The following PAPPA2 variants were observed in gnomAD, a reference collection of about 807,000 sequenced individuals.
The protein encoded by PAPPA2 is pappalysin-2.
A neutral mutation model predicts 176.4 loss-of-function variants in PAPPA2; 86 were observed. The ratio of observed to expected loss-of-function variants is 0.49; its 90% confidence interval spans 0.41 to 0.58. The LOEUF is 0.58. Among genes scored for constraint, PAPPA2 ranks in the 20% least tolerant of loss-of-function variants. The probability of loss-of-function intolerance (pLI) is 0.00; values close to 1 mark genes in which losing one functional copy is unlikely to be tolerated. For missense variants in PAPPA2, 2,073 were observed against 2,256.9 expected (o/e 0.92, Z 1.65); for synonymous variants, 809 against 852.2 (o/e 0.95, Z 0.88).
At chr1:176,526,230 T>C (rs926098546) in intron 1 of PAPPA2, among the ~76,000 whole-genome samples, 3 of 152,230 alleles carry the variant, frequency 2.0e-5, no homozygotes, top group East Asian at 1.9e-4. Flanking sequence ...ATGTAAATGC[T>C]GGGGCCATTG....
intron 20 of PAPPA2, 137 bp from the exon 21 acceptor site, chr1:176,799,924 A>C (rs775167188): frequency 3.6e-6 from 3 of 824,850 alleles, no homozygotes; most frequent in Non-Finnish European, 5.9e-6. Context: ...GCCCCAATCC[A>C]CTTTATGGGA....
In PAPPA2 at chr1:176,508,583, A is replaced by T. The variant is rs537266199; in HGVS notation, c.-917+45165A>T. On this transcript the variant is annotated intron_variant, in intron 1 of 22. Coordinates refer to ENST00000367662, the MANE Select transcript of PAPPA2 (RefSeq NM_020318.3). The stretch of plus-strand genomic sequence containing the variant: ...CAAAATGAAGTATATATAGGAAAAA[A>T]AGTAAAAAAAAAAATAATGAATAGA... Among the ~76,000 whole-genome samples, 43 of 150,242 alleles carry T rather than the reference A, an allele frequency of 2.9e-4. 1 individual carries two copies. In the South Asian group the frequency reaches 7.4e-3, roughly 26 times the overall value.
chr1:176,654,055 TTAAG>T (rs1657894755), intron 3 of PAPPA2, among the ~76,000 whole-genome samples: 1 of 151,806 alleles, frequency 6.6e-6, no homozygotes. Flanking sequence ...TTTAGTTTAA[TTAAG>T]TCTCATATTT....
chr1:176,824,404 C>T (rs1246718394), intron 21 of PAPPA2, among the ~76,000 whole-genome samples: 1 of 152,208 alleles, frequency 6.6e-6, no homozygotes, highest in Non-Finnish European at 1.5e-5. Context: ...TAAATATTCA[C>T]ATTTGGCTAA....
intron 1 of PAPPA2, among the ~76,000 whole-genome samples, chr1:176,475,637 A>AATTTTAGGTTAAATTT (rs1652081167): frequency 6.6e-6 from 1 of 152,264 alleles, no homozygotes; most frequent in Non-Finnish European, 1.5e-5. Context: ...ATCCCACCAG[A>AATTTTAGGTTAAATTT]CAGGTTAAAT....
chr1:176,594,906 A>G lies in PAPPA2; in HGVS notation c.1302A>G (p.Pro434=), dbSNP rs1308669949. The G allele has an allele frequency of 4.3e-6, 7 of 1,614,080 alleles. 1 individual carries two copies. In the South Asian group the frequency reaches 7.7e-5, roughly 18 times the overall value. ...TGGTTTTCTGGTCGACCGCCCTGCCACAAAGCCATTTTCAGCACAGTTCTC... is the reference window on the plus strand; with the variant it reads ...TGGTTTTCTGGTCGACCGCCCTGCCGCAAAGCCATTTTCAGCACAGTTCTC... ...GTLVFWSTAL[P]QSHFQHSSQH... The change falls in exon 3 of 23, where the codon CCA becomes CCG. Residue 434 remains proline, a synonymous_variant. Transcript: ENST00000367662.
chr1:176,656,783 TCA>T (rs34966942), intron 3 of PAPPA2, among the ~76,000 whole-genome samples: 2 of 149,856 alleles, frequency 1.3e-5, no homozygotes, highest in East Asian at 3.9e-4. Context: ...TCTCTCTCTT[TCA>T]CACACACACA....
intron 12 of PAPPA2, among the ~76,000 whole-genome samples, chr1:176,714,012 T>G (rs1661260551): frequency 6.6e-6 from 1 of 152,114 alleles, no homozygotes; most frequent in Non-Finnish European, 1.5e-5. Context: ...CTAACTCCCT[T>G]GACCATAAGG....
intron 9 of PAPPA2, among the ~76,000 whole-genome samples, chr1:176,704,966 G>A (rs1660816033): frequency 6.6e-6 from 1 of 151,700 alleles, no homozygotes; most frequent in South Asian, 2.1e-4. Flanking sequence ...AGTTCTGTTG[G>A]GCCGCATGGC....
chr1:176,601,325 C>A (rs896735324), intron 3 of PAPPA2, among the ~76,000 whole-genome samples: 11 of 152,132 alleles, frequency 7.2e-5, no homozygotes, highest in African/African-American at 2.7e-4. Flanking sequence ...TACCCACTCT[C>A]ATGTATTCTG....
chr1:176,542,906 AG>A (rs1189028826), intron 1 of PAPPA2, among the ~76,000 whole-genome samples: 1 of 152,238 alleles, frequency 6.6e-6, no homozygotes, highest in African/African-American at 2.4e-5. Context: ...GACCAGCAAC[AG>A]GAACTCCTTT....
chr1:176,814,326 C>G (rs1275075547), intron 21 of PAPPA2, among the ~76,000 whole-genome samples: 1 of 152,048 alleles, frequency 6.6e-6, no homozygotes, highest in East Asian at 1.9e-4. Context: ...TGAAGAATGT[C>G]AATGGTAGTT....
At chr1:176,527,106 G>A (rs950189206) in intron 1 of PAPPA2, among the ~76,000 whole-genome samples, 8 of 152,088 alleles carry the variant, frequency 5.3e-5, no homozygotes, top group South Asian at 2.1e-4. Context: ...GCCACTATGC[G>A]TGTCTTGAAT....
At chr1:176,557,550 G>A (rs943116438) in intron 2 of PAPPA2, among the ~76,000 whole-genome samples, 1 of 152,154 alleles carries the variant, frequency 6.6e-6, no homozygotes, top group African/African-American at 2.4e-5. Context: ...AGAGCTCCTT[G>A]GTTCTTTGCC....
chr1:176,617,636 AT>A (rs1017117162), intron 3 of PAPPA2, among the ~76,000 whole-genome samples: 71 of 151,752 alleles, frequency 4.7e-4, no homozygotes, highest in African/African-American at 1.6e-3. Flanking sequence ...GCTGAGTGGT[AT>A]TCCATGGCGC....
chr1:176,749,780 C>T (rs1313728291), intron 14 of PAPPA2, among the ~76,000 whole-genome samples: 2 of 152,134 alleles, frequency 1.3e-5, no homozygotes, highest in East Asian at 1.9e-4. Flanking sequence ...TTTAAGTTTC[C>T]TTCATGTCTT....
chr1:176,464,842 A>G (rs1006376519), intron 1 of PAPPA2, among the ~76,000 whole-genome samples: 1 of 152,254 alleles, frequency 6.6e-6, no homozygotes, highest in Non-Finnish European at 1.5e-5. Flanking sequence ...AACTATGCAG[A>G]AAAATTTGAA....
intron 1 of PAPPA2, among the ~76,000 whole-genome samples, chr1:176,515,462 A>G (rs1003909996): frequency 6.6e-6 from 1 of 152,192 alleles, no homozygotes; most frequent in African/African-American, 2.4e-5. Flanking sequence ...AAAGAGCCTG[A>G]AGCTCACAAT....
chr1:176,490,038 G>A lies in PAPPA2; in HGVS notation c.-917+26620G>A, dbSNP rs116449429. ...CTAGACCAGACTCCAGGAAAACAAG[G>A]CTGTCATTATTAGAACAGATTAGAA... On this transcript the variant is annotated intron_variant, in intron 1 of 22. Coordinates refer to ENST00000367662, the MANE Select transcript of PAPPA2 (RefSeq NM_020318.3). 5.2e-3 allele frequency among the ~76,000 whole-genome samples: 796 copies of A among 152,216 alleles called. 6 individuals carry two copies. The highest frequency in any genetic ancestry group is 0.017 in the Middle Eastern group (5 of 294).
Sources: allele counts gnomAD v4.1 joint callset (sites outside exome capture counted in the v4.1 genomes callset), GRCh38; gene constraint gnomAD v4.1.1; transcripts MANE v1.5; gene names NCBI Gene and HGNC (gene_info 2026-07-23, HGNC 2026-07-21).